KMO: variants seen among roughly 807,000 people sequenced by gnomAD.
KMO encodes the protein kynurenine 3-hydroxylase.
Under a neutral mutation model 57.8 loss-of-function variants are expected in KMO, and 24 were observed. The observed-to-expected ratio is 0.42, with a 90% CI of 0.30 to 0.58. The LOEUF is 0.58. Ranked by LOEUF, KMO falls within the 20% of genes least tolerant of loss-of-function variation. The pLI is 0.22. For missense variants in KMO, 483 were observed against 588.2 expected (o/e 0.82, Z 1.85); for synonymous variants, 210 against 193.6 (o/e 1.08, Z -0.70).
intron 9 of KMO, among the ~76,000 whole-genome samples, chr1:241,567,912 T>C (rs1662143567): frequency 6.6e-6 from 1 of 152,222 alleles, no homozygotes. Context: ...TCAACTCTTC[T>C]ACAGATGCTT....
chr1:241,559,314 A>G (rs1271736102), intron 5 of KMO, among the ~76,000 whole-genome samples: 1 of 152,178 alleles, frequency 6.6e-6, no homozygotes, highest in Non-Finnish European at 1.5e-5. Context: ...ATAGCCCAAG[A>G]CAGAGTATTC....
At chr1:241,586,765 A>G in intron 11 of KMO, 29 bp downstream of exon 11, 1 of 1,517,348 alleles carries the variant, frequency 6.6e-7, no homozygotes, top group South Asian at 1.2e-5. Context: ...TCAACTGGAC[A>G]TGTACTAGCT....
At chr1:241,552,718 G>A (rs1480474341) in intron 4 of KMO, among the ~76,000 whole-genome samples, 10 of 152,162 alleles carry the variant, frequency 6.6e-5, no homozygotes, top group Non-Finnish European at 1.5e-5. Context: ...TGGCACGGGC[G>A]ATAATTTAGA....
intron 2 of KMO, among the ~76,000 whole-genome samples, chr1:241,549,234 A>T (rs1445715852): frequency 6.9e-4 from 10 of 14,418 alleles, no homozygotes; most frequent in Non-Finnish European, 9.6e-4. Flanking sequence ...AGAAAGAAAG[A>T]AAGAAAGAAA....
rs1406038803 is a variant in KMO, at chr1:241,592,045, C to T, written c.1353C>T (p.Leu451=). The T allele has an allele frequency of 6.2e-7, 1 of 1,613,954 alleles. No individual in the cohort carries two copies. Among genetic ancestry groups the T allele is most frequent in the Non-Finnish European group, 8.5e-7 (1 of 1,179,902 alleles). The part of the protein sequence containing the change: ...LIHYMSPRSF[L]RLRRPWNWIA... ...ACTACATGTCACCACGATCTTTCCT[C>T]CGCTTGAGAAGACCATGGAACTGGA... Residue 451 remains leucine (L), a synonymous_variant, in exon 15 of 15, where the codon CTC becomes CTT. Transcript: ENST00000366559.
At chr1:241,563,944 A>C (rs1424124573) in intron 7 of KMO, among the ~76,000 whole-genome samples, 1 of 152,118 alleles carries the variant, frequency 6.6e-6, no homozygotes, top group Non-Finnish European at 1.5e-5. Flanking sequence ...ATGGCTTTCT[A>C]CCACTAGTAT....
intron 11 of KMO, among the ~76,000 whole-genome samples, chr1:241,588,329 C>CTTTTTTTTTT (rs57587351): frequency 8.4e-3 from 828 of 98,348 alleles, no homozygotes; most frequent in Non-Finnish European, 9.9e-3. Flanking sequence ...TCTTTTTTTT[C>CTTTTTTTTTT]TTTTTTTTTT....
At chr1:241,567,970 G>A (rs1208790383) in intron 9 of KMO, among the ~76,000 whole-genome samples, 1 of 152,118 alleles carries the variant, frequency 6.6e-6, no homozygotes, top group East Asian at 1.9e-4. Flanking sequence ...GCACCATGTT[G>A]TACAATAAAT....
rs1002494999 is a variant in KMO, at chr1:241,564,929, C to T, written c.616-58C>T. On this transcript the variant is annotated intron_variant, in intron 7 of 14. Coordinates refer to ENST00000366559, the MANE Select transcript of KMO (RefSeq NM_003679.5). ...GTGGAAACTATTATAAAGCTGAGTC[C>T]GTTTTATAGGTTTGCTATATGAATG... is the stretch of plus-strand genomic sequence containing the variant. 2.0e-5 allele frequency: 21 copies of T among 1,062,000 alleles called. 1 individual carries two copies. Among genetic ancestry groups the T allele is most frequent in the South Asian group, 3.9e-5 (3 of 76,708 alleles). The allele number at this position is 1,062,000 out of a possible 1,614,324, so 65.8% of individuals were successfully genotyped here.
chr1:241,579,124 C>CA lies in KMO; in HGVS notation c.958-7554dup, dbSNP rs200265011. On this transcript the variant is annotated intron_variant, in intron 10 of 14. Transcript: ENST00000366559. Reference sequence around the variant, plus strand: ...ACCATATCACAGTGATAGCTGAGGTCATACACAAATTTTCTCCTTCCTGAG... The same window carrying CA: ...ACCATATCACAGTGATAGCTGAGGTCAATACACAAATTTTCTCCTTCCTGAG... Among the ~76,000 whole-genome samples, 1,324 of 152,186 alleles carry CA rather than the reference C, an allele frequency of 8.7e-3. 25 individuals are homozygous for CA. The highest frequency in any genetic ancestry group is 0.03 in the African/African-American group (1,260 of 41,532).
At chr1:241,542,267 A>C (rs1660984324) in intron 1 of KMO, among the ~76,000 whole-genome samples, 1 of 152,218 alleles carries the variant, frequency 6.6e-6, no homozygotes, top group South Asian at 2.1e-4. Context: ...GGAAGACTGG[A>C]GAAGCATACC....
rs761780030 is a variant in KMO, at chr1:241,594,457, C to T, written c.*2304C>T. On this transcript the variant is annotated 3_prime_UTR_variant, in exon 15 of 15. Coordinates refer to ENST00000366559, the MANE Select transcript of KMO (RefSeq NM_003679.5). ...AAAGGACGAACTTGGATTACATCAA[C>T]TTTGGACCCATTGGTTTTGTCGCTG... The T allele has an allele frequency of 2.5e-6, 4 of 1,613,956 alleles. No individual in the cohort carries two copies. The Admixed American group carries it at 5.0e-5, about 20-fold the overall frequency.
rs2147983077 is a variant in KMO at position 241,586,196 on chromosome 1, T to TC, written c.958-483_958-482insC. On this transcript the variant is annotated intron_variant, in intron 10 of 14. Transcript: ENST00000366559. ...CCAAGCATGAAGTCTATGGTCTTTT[T>TC]TTTTTTTTTTTTTTTTTTTTGAGAC... is the stretch of plus-strand genomic sequence containing the variant. Among the ~76,000 whole-genome samples, 2 of 137,872 alleles carry TC rather than the reference T, an allele frequency of 1.5e-5. 1 individual carries two copies. Among genetic ancestry groups the TC allele is most frequent in the East Asian group, 4.1e-4 (2 of 4,886 alleles). The allele number at this position is 137,872 out of a possible 152,430, so 90.4% of individuals were successfully genotyped here.
chr1:241,563,692 G>A (rs1017460016), intron 7 of KMO, among the ~76,000 whole-genome samples: 7 of 152,070 alleles, frequency 4.6e-5, no homozygotes, highest in African/African-American at 1.7e-4. Context: ...TATTTTCTAG[G>A]TATACATAAT....
chr1:241,571,544 A>G (rs1227799741), intron 10 of KMO, among the ~76,000 whole-genome samples: 1 of 152,116 alleles, frequency 6.6e-6, no homozygotes, highest in Non-Finnish European at 1.5e-5. Flanking sequence ...TGAAATGATC[A>G]TATGGTTTTT....
intron 5 of KMO, among the ~76,000 whole-genome samples, chr1:241,556,893 A>AAATAAT (rs565628211): frequency 1.9e-3 from 288 of 150,762 alleles, no homozygotes; most frequent in Non-Finnish European, 2.9e-3. Context: ...AGTCCCAATA[A>AAATAAT]AATAATAATA....
At chr1:241,543,541 T>C (rs892567639) in intron 1 of KMO, among the ~76,000 whole-genome samples, 3 of 152,206 alleles carry the variant, frequency 2.0e-5, no homozygotes, top group Non-Finnish European at 4.4e-5. Context: ...CCCGCTTTTT[T>C]GTTTGTCTAT....
chr1:241,586,851 C>A, intron 11 of KMO, 115 bp downstream of exon 11: 1 of 719,520 alleles, frequency 1.4e-6, no homozygotes, highest in Non-Finnish European at 2.3e-6. Context: ...ATTATCTCCC[C>A]AGGATTACAT....
chr1:241,594,449 T>G lies in KMO; in HGVS notation c.*2296T>G. Reference sequence around the variant, plus strand: ...ATTCCTACAAAGGACGAACTTGGATTACATCAACTTTGGACCCATTGGTTT... The same window carrying G: ...ATTCCTACAAAGGACGAACTTGGATGACATCAACTTTGGACCCATTGGTTT... On this transcript the variant is annotated 3_prime_UTR_variant, in exon 15 of 15. Coordinates refer to ENST00000366559, the MANE Select transcript of KMO (RefSeq NM_003679.5). 6.2e-7 allele frequency: 1 copy of G among 1,613,344 alleles called. No individual in the cohort carries two copies. The highest frequency in any genetic ancestry group is 8.5e-7 in the Non-Finnish European group (1 of 1,179,332).
Sources: gnomAD v4.1 joint callset for allele counts (sites outside exome capture counted in the v4.1 genomes callset) on GRCh38, gnomAD v4.1.1 for gene constraint, MANE v1.5 for transcripts, NCBI Gene and HGNC (gene_info 2026-07-23, HGNC 2026-07-21) for gene names.